The following GPATCH2L variants were observed in gnomAD, a reference collection of about 807,000 sequenced individuals.
GPATCH2L encodes G patch domain-containing protein 2-like.
Under a neutral mutation model 57.4 loss-of-function variants are expected in GPATCH2L, and 31 were observed. That is an observed-to-expected ratio of 0.54 (90% confidence interval 0.41 to 0.73). The LOEUF (loss-of-function observed/expected upper bound fraction) is 0.73, where lower values mean the gene tolerates loss of function less well. GPATCH2L is among the 30% of genes least tolerant of loss of function. The pLI is 0.00. For synonymous variants in GPATCH2L, 199 were observed against 210.7 expected, an observed-to-expected ratio of 0.94 and a Z score of 0.48; for missense variants, 481 against 599.9, an observed-to-expected ratio of 0.80 and a Z score of 2.07.
intron 1 of GPATCH2L, among the ~76,000 whole-genome samples, chr14:76,221,316 A>G (rs563742572): frequency 3.3e-5 from 5 of 152,360 alleles, no homozygotes; most frequent in African/African-American, 1.2e-4. Flanking sequence ...ACCTATTACA[A>G]TGGTGATTTT....
At chr14:76,164,338 G>A (rs763515965) in intron 2 of GPATCH2L, among the ~76,000 whole-genome samples, 24 of 152,190 alleles carry the variant, frequency 1.6e-4, no homozygotes, top group Non-Finnish European at 3.4e-4. Flanking sequence ...GCAGGATGCT[G>A]AGCAGCATCC....
chr14:76,195,801 T>G (rs2040129724), intron 8 of GPATCH2L, 77 bp from the exon 9 acceptor site: 1 of 1,095,968 alleles, frequency 9.1e-7, no homozygotes, highest in East Asian at 2.4e-5. Context: ...GGTTAAGGAT[T>G]TAATCTGGGC....
intron 2 of GPATCH2L, among the ~76,000 whole-genome samples, chr14:76,160,253 A>G (rs918370405): frequency 1.3e-4 from 20 of 152,224 alleles, no homozygotes; most frequent in Middle Eastern, 3.2e-3. Context: ...CTGGCCTTGC[A>G]TTTCTGAACT....
chr14:76,158,780 A>G (rs569256248), intron 2 of GPATCH2L, among the ~76,000 whole-genome samples: 28 of 152,236 alleles, frequency 1.8e-4, no homozygotes, highest in Non-Finnish European at 2.8e-4. Flanking sequence ...AATAGCTAGC[A>G]TAGTGTGCTT....
Position 76,208,371 on chromosome 14 carries a change from C to T in GPATCH2L, c.*6520C>T, listed in dbSNP as rs1205754927. 1 of 152,184 alleles carries T rather than the reference C, an allele frequency of 6.6e-6. No homozygotes were observed. The highest frequency in any genetic ancestry group is 1.5e-5 in the Non-Finnish European group (1 of 68,058). The allele number at this position is 152,184 out of a possible 1,614,324, so 9.4% of individuals were successfully genotyped here. On this transcript the variant is annotated 3_prime_UTR_variant, in exon 10 of 10. Coordinates refer to ENST00000261530, the MANE Select transcript of GPATCH2L (RefSeq NM_017926.4). The stretch of plus-strand genomic sequence containing the variant: ...AAAAAAAATCTCACGACCATGCAAA[C>T]TGATGCCACCCCAAAGTCATGGTAA...
At chr14:76,152,539 C>T (rs1212704351) in intron 1 of GPATCH2L, 2 of 400,590 alleles carry the variant, frequency 5.0e-6, no homozygotes, top group Non-Finnish European at 1.0e-5. Context: ...CCACCAGCTA[C>T]CCGTTCCTTC....
intron 1 of GPATCH2L, among the ~76,000 whole-genome samples, chr14:76,219,973 A>T (rs944030864): frequency 2.0e-5 from 3 of 152,216 alleles, no homozygotes; most frequent in South Asian, 2.1e-4. Context: ...TTAAGTTGGT[A>T]AGCTTTGATT....
intron 2 of GPATCH2L, among the ~76,000 whole-genome samples, chr14:76,231,622 T>TACGCAC: frequency 6.8e-6 from 1 of 147,476 alleles, no homozygotes; most frequent in East Asian, 2.0e-4. Flanking sequence ...ACTAAACACA[T>TACGCAC]ACACACACAC....
intron 1 of GPATCH2L, among the ~76,000 whole-genome samples, chr14:76,225,175 A>G (rs1421395366): frequency 6.6e-6 from 1 of 152,204 alleles, no homozygotes; most frequent in Non-Finnish European, 1.5e-5. Context: ...GAGTGTTTAA[A>G]GAACACAGCT....
intron 1 of GPATCH2L, among the ~76,000 whole-genome samples, chr14:76,222,964 A>G (rs1219831975): frequency 4.6e-5 from 7 of 152,134 alleles, no homozygotes; most frequent in South Asian, 4.1e-4. Flanking sequence ...CAAAAAAAAA[A>G]AAAAAAAGAA....
chr14:76,218,479 A>G (rs1483643338), downstream of GPATCH2L, among the ~76,000 whole-genome samples: 2 of 152,122 alleles, frequency 1.3e-5, no homozygotes, highest in African/African-American at 4.8e-5. Context: ...AAGAAATATT[A>G]TTTGTAGAAA....
chr14:76,223,642 G>A (rs564766523), intron 1 of GPATCH2L, among the ~76,000 whole-genome samples: 3 of 152,046 alleles, frequency 2.0e-5, no homozygotes, highest in Non-Finnish European at 4.4e-5. Flanking sequence ...AAGATGAAAC[G>A]ACGACCACAG....
intron 2 of GPATCH2L, among the ~76,000 whole-genome samples, chr14:76,163,908 A>G (rs563189679): frequency 1.3e-5 from 2 of 152,334 alleles, no homozygotes; most frequent in South Asian, 4.1e-4. Flanking sequence ...GGACATTGAG[A>G]TGAGCAAGAT....
downstream of GPATCH2L, among the ~76,000 whole-genome samples, chr14:76,218,763 A>G (rs770611607): frequency 5.3e-5 from 8 of 152,068 alleles, no homozygotes; most frequent in Admixed American, 1.3e-4. Flanking sequence ...GTGAGTAGTC[A>G]TACAGATGAG....
rs2040437354 is a variant in GPATCH2L at position 76,211,235 on chromosome 14, G to A, written c.*9384G>A. The A allele has an allele frequency of 6.6e-6, 1 of 152,216 alleles. No individual in the cohort carries two copies. The highest frequency in any genetic ancestry group is 1.5e-5 in the Non-Finnish European group (1 of 68,052). The allele number at this position is 152,216 out of a possible 1,614,324, so 9.4% of individuals were successfully genotyped here. On this transcript the variant is annotated 3_prime_UTR_variant, in exon 10 of 10. Coordinates refer to ENST00000261530, the MANE Select transcript of GPATCH2L (RefSeq NM_017926.4). ...CAAGAGCCAGGAAGTGAAGGGTCCT[G>A]TGTATACTGGCTTACTTGTTGAGTT...
At chr14:76,221,392 G>A (rs1217015036) in intron 1 of GPATCH2L, among the ~76,000 whole-genome samples, 1 of 152,208 alleles carries the variant, frequency 6.6e-6, no homozygotes, top group African/African-American at 2.4e-5. Flanking sequence ...ATGGGAATTA[G>A]CTAATGGGCA....
In GPATCH2L at chr14:76,190,962, T is replaced by C. The variant is rs532357623; in HGVS notation, c.1194-4916T>C. On this transcript the variant is annotated intron_variant, in intron 8 of 9. Coordinates refer to ENST00000261530, the MANE Select transcript of GPATCH2L (RefSeq NM_017926.4). Reference sequence around the variant, plus strand: ...CTTATACTTAGCCTTTTATACAATGTGCCTAATTGAAAGATCACTTCCCTT... The same window carrying C: ...CTTATACTTAGCCTTTTATACAATGCGCCTAATTGAAAGATCACTTCCCTT... Among the ~76,000 whole-genome samples, 5 of 152,268 alleles carry C rather than the reference T, an allele frequency of 3.3e-5. No homozygotes were observed. The East Asian group carries it at 5.8e-4, about 18-fold the overall frequency.
At chr14:76,189,157 T>C (rs1021687753) in intron 8 of GPATCH2L, among the ~76,000 whole-genome samples, 1 of 151,644 alleles carries the variant, frequency 6.6e-6, no homozygotes, top group African/African-American at 2.4e-5. Context: ...AGTTTTGTTC[T>C]TTTTGTTTAG....
rs910890631 is a variant in GPATCH2L at position 76,159,995 on chromosome 14, G to T, written c.662+4970G>T. Among the ~76,000 whole-genome samples the T allele has an allele frequency of 3.9e-5, 6 of 152,098 alleles. No homozygotes were observed. In the South Asian group the frequency reaches 1.0e-3, roughly 26 times the overall value. On this transcript the variant is annotated intron_variant, in intron 2 of 9. Coordinates refer to ENST00000261530, the MANE Select transcript of GPATCH2L (RefSeq NM_017926.4). ...AAAATACAAAAAAATTAGCCTTGGCGTGGTGGTGGACGCCTGTAGTCCCAG... is the reference window on the plus strand; with the variant it reads ...AAAATACAAAAAAATTAGCCTTGGCTTGGTGGTGGACGCCTGTAGTCCCAG...
Sources: gnomAD v4.1 joint callset for allele counts (sites outside exome capture counted in the v4.1 genomes callset) on GRCh38, gnomAD v4.1.1 for gene constraint, MANE v1.5 for transcripts, NCBI Gene and HGNC (gene_info 2026-07-23, HGNC 2026-07-21) for gene names.